DSG1: variants seen among roughly 807,000 people sequenced by gnomAD.
The protein encoded by DSG1 is desmoglein-1.
DSG1 carries 39 observed loss-of-function variants against 97.5 expected under a neutral mutation model. That is an observed-to-expected ratio of 0.40 (90% CI 0.31 to 0.52). The LOEUF is 0.52. DSG1 is among the 20% of genes least tolerant of loss of function. The probability of loss-of-function intolerance (pLI) is 0.53; values close to 1 mark genes in which losing one functional copy is unlikely to be tolerated. For synonymous variants in DSG1, 475 were observed against 443.4 expected (o/e 1.07, Z -0.90); for missense variants, 1,311 against 1,295.4 (o/e 1.01, Z -0.18).
At position 31,336,319 on chromosome 18, in the gene DSG1, C is replaced by A. The variant is rs374284126; in HGVS notation, c.1006-35C>A. 4 of 1,587,506 alleles carry A rather than the reference C, an allele frequency of 2.5e-6. No homozygotes were observed. The African/African-American group carries it at 5.4e-5, about 22-fold the overall frequency. ...TCTTTCACCTGGAACGTTTTATTTTCTTATAATGAAACTATTTTACTCTGT... is the reference window on the plus strand; with the variant it reads ...TCTTTCACCTGGAACGTTTTATTTTATTATAATGAAACTATTTTACTCTGT... On this transcript the variant is annotated intron_variant, in intron 8 of 14. Coordinates refer to ENST00000257192, the MANE Select transcript of DSG1 (RefSeq NM_001942.4).
chr18:31,327,264 G>T (rs2071691604), intron 3 of DSG1, among the ~76,000 whole-genome samples: 1 of 151,994 alleles, frequency 6.6e-6, no homozygotes, highest in African/African-American at 2.4e-5. Context: ...AACTCCAGAT[G>T]AAAAAAGATC....
chr18:31,320,862 G>A (rs772153900), intron 1 of DSG1, among the ~76,000 whole-genome samples: 1 of 152,106 alleles, frequency 6.6e-6, no homozygotes, highest in Admixed American at 6.6e-5. Context: ...GAGCCAGAGG[G>A]ATCTCTATGG....
In DSG1 at chr18:31,346,038, G is replaced by C. The variant is rs768142206; in HGVS notation, c.1940G>C (p.Gly647Ala). 7 of 1,613,826 alleles carry C rather than the reference G, an allele frequency of 4.3e-6. No individual in the cohort carries two copies. The Admixed American group carries it at 1.2e-4, about 27-fold the overall frequency. The change falls in exon 14 of 15, where the codon GGA becomes GCA. Residue 647 changes from glycine (G) to alanine (A), a missense_variant. By Grantham distance (60) the Gly-to-Ala change is moderately conservative. Around this residue, in one of 3 missense-constraint regions of DSG1, gnomAD observed 1,038 missense variants for 964.6 expected, o/e 1.08. Coordinates refer to ENST00000257192, the MANE Select transcript of DSG1 (RefSeq NM_001942.4). ...GGCAGAGAAATGCAAGATCTGGGAG[G>C]AGGAGAGAGAATGACAGGATTTGAA... ...YGGREMQDLG[G>A]GERMTGFELT...
chr18:31,343,879 A>T (rs750710350), intron 12 of DSG1, 47 bp from the exon 13 acceptor site: 1 of 1,452,550 alleles, frequency 6.9e-7, no homozygotes, highest in Admixed American at 1.7e-5. Context: ...CAGAAAGATT[A>T]TAGTCATTGG....
Position 31,355,017 on chromosome 18 carries a change from C to T in DSG1, c.2821C>T (p.Pro941Ser). Residue 941 changes from proline (P) to serine (S), a missense_variant, in exon 15 of 15, where the codon CCC becomes TCC. Physicochemically the swap from Pro to Ser is moderately conservative, Grantham distance 74 (BLOSUM62 -1). Coordinates refer to ENST00000257192, the MANE Select transcript of DSG1 (RefSeq NM_001942.4). ...CATGATAGGTAGTCTGAGTATGCAC[C>T]CCGAGTTAGCCAATGCCCACAATGT... ...SGMIGSLSMHPELANAHNVIV... is the reference protein window; with the variant it reads ...SGMIGSLSMHSELANAHNVIV... 1.2e-6 allele frequency: 2 copies of T among 1,614,116 alleles called. No homozygotes were observed. The highest frequency in any genetic ancestry group is 1.7e-6 in the Non-Finnish European group (2 of 1,180,012).
chr18:31,320,624 A>G (rs1425523137), intron 1 of DSG1, among the ~76,000 whole-genome samples: 1 of 152,206 alleles, frequency 6.6e-6, no homozygotes, highest in Admixed American at 6.5e-5. Flanking sequence ...GCAAGAGATT[A>G]CACCTGCTAT....
At position 31,354,278 on chromosome 18, in the gene DSG1, C is replaced by A; in HGVS notation, c.2101-19C>A. 1 of 1,607,720 alleles carries A rather than the reference C, an allele frequency of 6.2e-7. No individual in the cohort carries two copies. Among genetic ancestry groups the A allele is most frequent in the Non-Finnish European group, 8.5e-7 (1 of 1,174,196 alleles). ...ATATGCATTCATAATTTCATTTTCT[C>A]TTTCTCCTATAAATTCAGAAAGCAT... On this transcript the variant is annotated intron_variant, in intron 14 of 14. Coordinates refer to ENST00000257192, the MANE Select transcript of DSG1 (RefSeq NM_001942.4).
At chr18:31,342,284 G>T (rs1035393853) in intron 11 of DSG1, among the ~76,000 whole-genome samples, 1 of 152,068 alleles carries the variant, frequency 6.6e-6, no homozygotes, top group Non-Finnish European at 1.5e-5. Context: ...GTAAATAAAA[G>T]ATTTATAAAT....
At chr18:31,344,838 G>A (rs1435340368) in intron 13 of DSG1, among the ~76,000 whole-genome samples, 6 of 152,082 alleles carry the variant, frequency 3.9e-5, no homozygotes, top group African/African-American at 1.4e-4. Flanking sequence ...AAATACTATT[G>A]GTTAGCTTAT....
chr18:31,347,072 C>T (rs937969860), intron 14 of DSG1, among the ~76,000 whole-genome samples: 4 of 152,172 alleles, frequency 2.6e-5, no homozygotes, highest in Non-Finnish European at 4.4e-5. Flanking sequence ...CTGTCCCTGA[C>T]ATCGACTAGA....
At chr18:31,338,557 A>G in intron 10 of DSG1, 103 bp downstream of exon 10, 4 of 1,305,788 alleles carry the variant, frequency 3.1e-6, no homozygotes, top group Non-Finnish European at 4.3e-6. Context: ...CCTTTCCAAC[A>G]AAAGTTGTCA....
intron 6 of DSG1, among the ~76,000 whole-genome samples, chr18:31,333,351 A>C (rs149057495): frequency 6.6e-6 from 1 of 152,182 alleles, no homozygotes; most frequent in Non-Finnish European, 1.5e-5. Flanking sequence ...ACCTCTGGAC[A>C]TATTATTATT....
chr18:31,343,919 C>T lies in DSG1; in HGVS notation c.1822-7C>T. On this transcript the variant is annotated splice_region_variant and splice_polypyrimidine_tract_variant and intron_variant, in intron 12 of 14. Coordinates refer to ENST00000257192, the MANE Select transcript of DSG1 (RefSeq NM_001942.4). ...TACAAATGGAAATGTTGTTTCCTGTCTTTTAGGATATAACCACTGTCATAC... is the reference window on the plus strand; with the variant it reads ...TACAAATGGAAATGTTGTTTCCTGTTTTTTAGGATATAACCACTGTCATAC... The T allele has an allele frequency of 6.2e-7, 1 of 1,607,396 alleles. No homozygotes were observed. The highest frequency in any genetic ancestry group is 1.1e-5 in the South Asian group (1 of 90,934).
In DSG1 at chr18:31,336,535, G is replaced by A; in HGVS notation, c.1187G>A (p.Gly396Asp). Residue 396 changes from glycine to aspartate, a missense_variant, in exon 9 of 15, where the codon GGT (glycine) becomes GAT (aspartate). Gly to Asp is a moderately conservative substitution (Grantham distance 94). Coordinates refer to ENST00000257192, the MANE Select transcript of DSG1 (RefSeq NM_001942.4). ...RPGSKTYVVT[G>D]NMGSNDKVGD... ...GGTTCAAAGACATATGTTGTAACTG[G>A]TAATATGGGATCAAATGATAAAGTG... is the stretch of plus-strand genomic sequence containing the variant. 6.2e-7 allele frequency: 1 copy of A among 1,613,948 alleles called. No individual in the cohort carries two copies. The highest frequency in any genetic ancestry group is 2.2e-5 in the East Asian group (1 of 44,838).
chr18:31,337,219 C>G (rs1022564495), intron 9 of DSG1, among the ~76,000 whole-genome samples: 2 of 152,026 alleles, frequency 1.3e-5, no homozygotes, highest in African/African-American at 4.8e-5. Context: ...TTTACCCATG[C>G]ATTTTTTGTT....
intron 1 of DSG1, among the ~76,000 whole-genome samples, chr18:31,320,175 A>C (rs914364910): frequency 6.6e-6 from 1 of 152,132 alleles, no homozygotes; most frequent in Non-Finnish European, 1.5e-5. Flanking sequence ...GGAGTTTCCT[A>C]ATCTGTATTT....
intron 14 of DSG1, among the ~76,000 whole-genome samples, chr18:31,352,749 C>A (rs1295768043): frequency 6.7e-6 from 1 of 148,886 alleles, no homozygotes; most frequent in Non-Finnish European, 1.5e-5. Context: ...CCCTTTCTTC[C>A]GGTTGATCAC....
At chr18:31,335,984 A>G (rs2071749423) in intron 8 of DSG1, among the ~76,000 whole-genome samples, 1 of 151,968 alleles carries the variant, frequency 6.6e-6, no homozygotes, top group African/African-American at 2.4e-5. Context: ...ACTGTGTAAT[A>G]AATAGCTACT....
intron 14 of DSG1, among the ~76,000 whole-genome samples, chr18:31,346,851 G>T (rs767803562): frequency 6.6e-6 from 1 of 152,084 alleles, no homozygotes; most frequent in Non-Finnish European, 1.5e-5. Flanking sequence ...CCAGTACATA[G>T]CTCAGTTCTA....
Sources: allele counts gnomAD v4.1 joint callset (sites outside exome capture counted in the v4.1 genomes callset), GRCh38; gene constraint gnomAD v4.1.1; regional missense constraint gnomAD v4.1.1; transcripts MANE v1.5; gene names NCBI Gene and HGNC (gene_info 2026-07-23, HGNC 2026-07-21).